The following TRPC4 variants were observed in gnomAD, a reference collection of about 807,000 sequenced individuals.
The protein encoded by TRPC4 is short transient receptor potential channel 4.
In TRPC4, 49 loss-of-function variants were observed where a neutral mutation model predicts 99.4. The ratio of observed to expected loss-of-function variants is 0.49; its 90% confidence interval spans 0.39 to 0.63. TRPC4 has a LOEUF of 0.63. Ranked by LOEUF, TRPC4 falls within the 20% of genes least tolerant of loss-of-function variation. The probability of loss-of-function intolerance (pLI) is 0.00; values close to 1 mark genes in which losing one functional copy is unlikely to be tolerated. For missense variants in TRPC4, 898 were observed against 1,152.9 expected, an observed-to-expected ratio of 0.78 and a Z score of 3.20; for synonymous variants, 454 against 425.9, an observed-to-expected ratio of 1.07 and a Z score of -0.81.
intron 2 of TRPC4, among the ~76,000 whole-genome samples, chr13:37,763,484 T>C (rs1392055694): frequency 6.6e-6 from 1 of 151,500 alleles, no homozygotes; most frequent in Non-Finnish European, 1.5e-5. Context: ...ATGAATCCCC[T>C]AGGCAAGTGG....
At chr13:37,790,941 T>C (rs1957102303) in intron 1 of TRPC4, among the ~76,000 whole-genome samples, 1 of 152,080 alleles carries the variant, frequency 6.6e-6, no homozygotes, top group Non-Finnish European at 1.5e-5. Flanking sequence ...TAAAGAGGTA[T>C]TGCTTTAAAA....
intron 1 of TRPC4, among the ~76,000 whole-genome samples, chr13:37,801,743 G>A (rs1045008896): frequency 2.0e-5 from 3 of 151,998 alleles, no homozygotes; most frequent in African/African-American, 7.2e-5. Flanking sequence ...AAGACATCGA[G>A]CATAATATCA....
chr13:37,861,658 C>T (rs551499294), intron 1 of TRPC4, among the ~76,000 whole-genome samples: 4 of 151,642 alleles, frequency 2.6e-5, no homozygotes, highest in African/African-American at 7.2e-5. Context: ...GTTCCAAGAA[C>T]GTGCTGGAGT....
chr13:37,863,329 C>G (rs1959514943), intron 1 of TRPC4, among the ~76,000 whole-genome samples: 1 of 151,462 alleles, frequency 6.6e-6, no homozygotes, highest in Non-Finnish European at 1.5e-5. Context: ...TACTGTGGTC[C>G]TTTATGGGTT....
intron 6 of TRPC4, among the ~76,000 whole-genome samples, chr13:37,660,753 A>G (rs1952408024): frequency 6.6e-6 from 1 of 152,224 alleles, no homozygotes; most frequent in Admixed American, 6.5e-5. Context: ...ACATAGAATA[A>G]GGTCTCGGAA....
chr13:37,767,569 G>A (rs768828397), intron 2 of TRPC4, among the ~76,000 whole-genome samples: 20 of 151,106 alleles, frequency 1.3e-4, no homozygotes, highest in Non-Finnish European at 2.5e-4. Flanking sequence ...TTGTAGTAGA[G>A]GTCAAATTGA....
intron 1 of TRPC4, among the ~76,000 whole-genome samples, chr13:37,821,559 A>G (rs189598487): frequency 2.2e-4 from 33 of 152,314 alleles, no homozygotes; most frequent in Non-Finnish European, 4.4e-4. Context: ...TTGACTTCAA[A>G]CTATACTACA....
intron 3 of TRPC4, among the ~76,000 whole-genome samples, chr13:37,722,817 A>G (rs1954918782): frequency 6.7e-6 from 1 of 149,250 alleles, no homozygotes; most frequent in Non-Finnish European, 1.5e-5. Context: ...TTATTGCATG[A>G]AAAAAAAAAG....
chr13:37,810,183 C>A (rs543604447), intron 1 of TRPC4, among the ~76,000 whole-genome samples: 6 of 151,998 alleles, frequency 3.9e-5, no homozygotes, highest in African/African-American at 1.2e-4. Flanking sequence ...ATACAGAATT[C>A]CATATTATTA....
intron 1 of TRPC4, among the ~76,000 whole-genome samples, chr13:37,815,187 C>A (rs1262077090): frequency 6.6e-6 from 1 of 151,634 alleles, no homozygotes; most frequent in Non-Finnish European, 1.5e-5. Flanking sequence ...CAAAAAGGAT[C>A]AAAGATCTAA....
At chr13:37,795,880 G>A (rs954228601) in intron 1 of TRPC4, among the ~76,000 whole-genome samples, 2 of 152,114 alleles carry the variant, frequency 1.3e-5, no homozygotes, top group African/African-American at 4.8e-5. Flanking sequence ...ACAGGAGAAG[G>A]CAATACATTT....
intron 1 of TRPC4, among the ~76,000 whole-genome samples, chr13:37,809,467 GTTT>G (rs11316952): frequency 0.026 from 3,760 of 146,860 alleles, 90 homozygotes; most frequent in East Asian, 0.14. Flanking sequence ...CGGGTTTTGT[GTTT>G]TTTTTTTTTT....
At chr13:37,866,318 A>G (rs1566235738) in intron 1 of TRPC4, among the ~76,000 whole-genome samples, 2 of 151,782 alleles carry the variant, frequency 1.3e-5, no homozygotes, top group Non-Finnish European at 3.0e-5. Flanking sequence ...GATAAAACAT[A>G]CACTAATATT....
intron 3 of TRPC4, among the ~76,000 whole-genome samples, chr13:37,708,662 TAC>T (rs1449471612): frequency 6.7e-6 from 1 of 149,898 alleles, no homozygotes; most frequent in African/African-American, 2.4e-5. Flanking sequence ...TGTATATATA[TAC>T]ACACACACAT....
intron 3 of TRPC4, among the ~76,000 whole-genome samples, chr13:37,721,537 A>G (rs1954868611): frequency 6.6e-6 from 1 of 152,128 alleles, no homozygotes; most frequent in Non-Finnish European, 1.5e-5. Flanking sequence ...GAACATTATA[A>G]AGCAGTTTAG....
At chr13:37,787,670 A>G (rs1330283469) in intron 1 of TRPC4, among the ~76,000 whole-genome samples, 1 of 152,096 alleles carries the variant, frequency 6.6e-6, no homozygotes, top group East Asian at 1.9e-4. Context: ...GTCAAAGTGC[A>G]ATGAACTACT....
intron 3 of TRPC4, among the ~76,000 whole-genome samples, chr13:37,721,426 G>C (rs1037717469): frequency 1.3e-5 from 2 of 152,016 alleles, no homozygotes; most frequent in African/African-American, 4.8e-5. Flanking sequence ...TAAAATTTAG[G>C]GCTTTCAAAG....
chr13:37,679,363 A>C (rs1953161536), intron 4 of TRPC4, among the ~76,000 whole-genome samples: 1 of 152,198 alleles, frequency 6.6e-6, no homozygotes, highest in Non-Finnish European at 1.5e-5. Flanking sequence ...TTGAGGAATG[A>C]ATACAGTGAT....
At chr13:37,812,812 T>C (rs1159578964) in intron 1 of TRPC4, among the ~76,000 whole-genome samples, 1 of 152,064 alleles carries the variant, frequency 6.6e-6, no homozygotes, top group African/African-American at 2.4e-5. Context: ...CAGCAAGTCA[T>C]GTGATAATCA....
Sources: gnomAD v4.1 joint callset for allele counts (sites outside exome capture counted in the v4.1 genomes callset) on GRCh38, gnomAD v4.1.1 for gene constraint, MANE v1.5 for transcripts, NCBI Gene and HGNC (gene_info 2026-07-23, HGNC 2026-07-21) for gene names.